CNOT7: variants seen among roughly 807,000 people sequenced by gnomAD.
CNOT7 encodes the protein BTG1-binding factor 1.
Under a neutral mutation model 37.1 loss-of-function variants are expected in CNOT7, and 4 were observed. The ratio of observed to expected loss-of-function variants is 0.11; its 90% CI spans 0.05 to 0.25. The LOEUF (loss-of-function observed/expected upper bound fraction) is 0.25. Among genes scored for constraint, CNOT7 ranks in the 10% least tolerant of loss-of-function variants. The pLI is 1.00. For missense variants in CNOT7, 170 were observed against 336.2 expected (o/e 0.51, Z 3.87); for synonymous variants, 128 against 115.6 (o/e 1.11, Z -0.69).
At chr8:17,241,166 A>G (rs933633235) in intron 3 of CNOT7, 1 of 152,240 alleles carries the variant, frequency 6.6e-6, no homozygotes, top group Admixed American at 6.5e-5. Context: ...ACCTCAGTTA[A>G]AGCAATCCAC....
At chr8:17,236,326 T>C (rs929832239) in intron 4 of CNOT7, among the ~76,000 whole-genome samples, 17 of 152,338 alleles carry the variant, frequency 1.1e-4, no homozygotes, top group African/African-American at 4.1e-4. Context: ...ACAATGCTTT[T>C]TCAAAACCTA....
At position 17,230,689 on chromosome 8, in the gene CNOT7, C is replaced by T; in HGVS notation, c.*31G>A. ...AACCTATATACAAGCATGTGTGTAG[C>T]TCGAAATAAAAATAAAAGGACTATT... is the stretch of plus-strand genomic sequence containing the variant. On this transcript the variant is annotated 3_prime_UTR_variant, in exon 7 of 7. Transcript: ENST00000361272. 1 of 1,583,088 alleles carries T rather than the reference C, an allele frequency of 6.3e-7. No homozygotes were observed. Among genetic ancestry groups the T allele is most frequent in the Non-Finnish European group, 8.6e-7 (1 of 1,166,466 alleles).
At position 17,228,577 on chromosome 8, in the gene CNOT7, C is replaced by T. The variant is rs192870028; in HGVS notation, c.*2143G>A. On this transcript the variant is annotated 3_prime_UTR_variant, in exon 7 of 7. Transcript: ENST00000361272. ...AATACACATTCAGTAGAAACTATAA[C>T]CCCATCTTTGGTCCTAAGGCGCTCC... The T allele has an allele frequency of 4.1e-4, 62 of 152,048 alleles. No homozygotes were observed. The highest frequency in any genetic ancestry group is 1.5e-3 in the African/African-American group (61 of 41,554). The allele number at this position is 152,048 out of a possible 1,614,324, so 9.4% of individuals were successfully genotyped here.
intron 2 of CNOT7, 142 bp from the exon 3 acceptor site, chr8:17,243,327 G>C: frequency 1.5e-6 from 1 of 677,816 alleles, no homozygotes; most frequent in South Asian, 2.0e-5. Context: ...ATTTTAACTA[G>C]AAAGAACATC....
intron 3 of CNOT7, 85 bp from the exon 4 acceptor site, chr8:17,237,458 G>A: frequency 7.8e-7 from 1 of 1,278,020 alleles, no homozygotes; most frequent in South Asian, 1.4e-5. Context: ...TAACTACAGT[G>A]CCAGAAAAGA....
rs1327951644 is a variant in CNOT7, at chr8:17,245,264, AC to A, written c.-95-18del. 20 of 1,159,910 alleles carry A rather than the reference AC, an allele frequency of 1.7e-5. No homozygotes were observed. Among genetic ancestry groups the A allele is most frequent in the African/African-American group, 1.3e-4 (8 of 63,190 alleles). The allele number at this position is 1,159,910 out of a possible 1,614,324, so 71.9% of individuals were successfully genotyped here. On this transcript the variant is annotated intron_variant, in intron 1 of 6. Transcript: ENST00000361272. ...TTTATGTACCTGTCAAAATAAAAAA[AC>A]AATATGAAGACCAGATATATCAAAT...
chr8:17,237,648 TAC>T (rs1809557965), intron 3 of CNOT7: 1 of 290,992 alleles, frequency 3.4e-6, no homozygotes, highest in Non-Finnish European at 6.5e-6. Context: ...CATACTTAAA[TAC>T]ATTTAACTGG....
At chr8:17,231,135 A>G (rs1373160713) in intron 6 of CNOT7, among the ~76,000 whole-genome samples, 1 of 152,156 alleles carries the variant, frequency 6.6e-6, no homozygotes, top group African/African-American at 2.4e-5. Flanking sequence ...AAAAATAACT[A>G]TTCCATTAAT....
At chr8:17,234,583 G>A in intron 5 of CNOT7, 133 bp downstream of exon 5, 1 of 931,906 alleles carries the variant, frequency 1.1e-6, no homozygotes. Flanking sequence ...AAAATCACAT[G>A]ACCAGATAAT....
Position 17,226,619 on chromosome 8 carries a change from A to G in CNOT7, c.*4101T>C, listed in dbSNP as rs1287286273. 6.6e-6 allele frequency: 1 copy of G among 151,772 alleles called. No homozygotes were observed. Among genetic ancestry groups the G allele is most frequent in the African/African-American group, 2.4e-5 (1 of 41,406 alleles). 9.4% of individuals were successfully genotyped at this position (151,772 alleles called of 1,614,324 possible). A position where few individuals can be genotyped will look rare whatever the true frequency, so the allele number is the denominator to read the frequency against. ...AATTTAAAAATTTTCTTTGCACTGC[A>G]TCAAGGTCCAAAAAACTGCTACAGG... is the stretch of plus-strand genomic sequence containing the variant. On this transcript the variant is annotated 3_prime_UTR_variant, in exon 7 of 7. Coordinates refer to ENST00000361272, the MANE Select transcript of CNOT7 (RefSeq NM_013354.7).
In CNOT7 at chr8:17,237,253, T is replaced by C. The variant is rs1287538918; in HGVS notation, c.432A>G (p.Gly144=). The part of the protein sequence containing the change: ...QYFAELLMTS[G]VVLCEGVKWL... ...ATTTGACCCCTTCACAGAGGACCAC[T>C]CCAGAAGTCATAAGAAGTTCTGCAA... Residue 144 remains glycine, a synonymous_variant, in exon 4 of 7, where the codon GGA becomes GGG. Coordinates refer to ENST00000361272, the MANE Select transcript of CNOT7 (RefSeq NM_013354.7). 2.5e-6 allele frequency: 4 copies of C among 1,613,986 alleles called. No homozygotes were observed. The highest frequency in any genetic ancestry group is 3.4e-6 in the Non-Finnish European group (4 of 1,179,978).
chr8:17,226,453 AT>A lies in CNOT7; in HGVS notation c.*4266del, dbSNP rs1808168510. The A allele has an allele frequency of 1.3e-5, 2 of 151,768 alleles. No homozygotes were observed. The highest frequency in any genetic ancestry group is 1.3e-4 in the Admixed American group (2 of 15,210). The allele number at this position is 151,768 out of a possible 1,614,324, so 9.4% of individuals were successfully genotyped here. A position where few individuals can be genotyped will look rare whatever the true frequency, so the allele number is the denominator to read the frequency against. ...TGAGCATGTGATTTTAGTTAAGCATATTCATCACTTGTAAGGCATTTGTAGG... is the reference window on the plus strand; with the variant it reads ...TGAGCATGTGATTTTAGTTAAGCATATCATCACTTGTAAGGCATTTGTAGG... On this transcript the variant is annotated 3_prime_UTR_variant, in exon 7 of 7. Coordinates refer to ENST00000361272, the MANE Select transcript of CNOT7 (RefSeq NM_013354.7).
rs781268765 is a variant in CNOT7, at chr8:17,237,289, T to C, written c.396A>G (p.Glu132=). ...TAAGAAGTTCTGCAAAGTACTGGGT[T>C]TCAATTCCTTCCTCCTCATGTTTTT... ...QFKKHEEEGI[E]TQYFAELLMT... is the part of the protein sequence containing the mutation. The change falls in exon 4 of 7, where the codon GAA becomes GAG. Residue 132 remains glutamate, a synonymous_variant. Transcript: ENST00000361272. 5 of 1,613,992 alleles carry C rather than the reference T, an allele frequency of 3.1e-6. No individual in the cohort carries two copies. The East Asian group carries it at 8.9e-5, about 29-fold the overall frequency.
intron 6 of CNOT7, chr8:17,231,955 A>C (rs1257669274): frequency 2.0e-6 from 2 of 986,864 alleles, no homozygotes; most frequent in East Asian, 1.1e-4. Flanking sequence ...AAAATCTTCA[A>C]AGCACTGAAG....
chr8:17,244,963 T>C (rs752908643), intron 2 of CNOT7, 73 bp downstream of exon 2: 18 of 1,226,598 alleles, frequency 1.5e-5, no homozygotes, highest in Admixed American at 4.3e-5. Context: ...ACCAAAAGGG[T>C]TGAATTCAAG....
At position 17,228,111 on chromosome 8, in the gene CNOT7, G is replaced by A. The variant is rs1808275707; in HGVS notation, c.*2609C>T. 6.6e-6 allele frequency: 1 copy of A among 151,870 alleles called. No individual in the cohort carries two copies. The highest frequency in any genetic ancestry group is 2.1e-4 in the South Asian group (1 of 4,832). The allele number at this position is 151,870 out of a possible 1,614,324, so 9.4% of individuals were successfully genotyped here. On this transcript the variant is annotated 3_prime_UTR_variant, in exon 7 of 7. Transcript: ENST00000361272. ...TTTGAATTTCATGTAATTTTCAGAT[G>A]TCAGGAAATAATCTTTTGATTATTT...
At chr8:17,241,409 G>A (rs1021667285) in intron 3 of CNOT7, 1 of 151,650 alleles carries the variant, frequency 6.6e-6, no homozygotes, top group East Asian at 1.9e-4. Flanking sequence ...GTGAAATGGA[G>A]AGTCAGGCTA....
chr8:17,243,131 C>T lies in CNOT7; in HGVS notation c.172G>A (p.Ala58Thr). Residue 58 changes from alanine to threonine, a missense_variant, in exon 3 of 7, where the codon GCT becomes ACT. By Grantham distance (58) the Ala-to-Thr change is moderately conservative (BLOSUM62 0). This residue lies in a region of CNOT7 where 18 missense variants were observed against 57.0 expected (regional missense o/e 0.32). Coordinates refer to ENST00000361272, the MANE Select transcript of CNOT7 (RefSeq NM_013354.7). ...CGCAATAGTTGGTATTGATAGTCAG[C>T]ATTGCTCCTGAATTCTCCAATGGGT... ...ARPIGEFRSN[A>T]DYQYQLLRCN... is the part of the protein sequence containing the mutation. The T allele has an allele frequency of 6.2e-7, 1 of 1,608,964 alleles. No individual in the cohort carries two copies. Among genetic ancestry groups the T allele is most frequent in the Non-Finnish European group, 8.5e-7 (1 of 1,178,860 alleles).
intron 3 of CNOT7, among the ~76,000 whole-genome samples, chr8:17,238,709 C>G (rs1809728328): frequency 6.6e-6 from 1 of 152,210 alleles, no homozygotes; most frequent in Admixed American, 6.5e-5. Context: ...TATAGGTATA[C>G]AAGTAGTTTA....
Sources: gnomAD v4.1 joint callset for allele counts (sites outside exome capture counted in the v4.1 genomes callset) on GRCh38, gnomAD v4.1.1 for gene constraint, gnomAD v4.1.1 regional missense constraint, MANE v1.5 for transcripts, NCBI Gene and HGNC (gene_info 2026-07-23, HGNC 2026-07-21) for gene names.